The following BAZ2A variants were observed in gnomAD, a reference collection of about 807,000 sequenced individuals.
BAZ2A encodes bromodomain adjacent to zinc finger domain protein 2A.
Under a neutral mutation model 199.9 loss-of-function variants are expected in BAZ2A, and 34 were observed. The observed-to-expected ratio is 0.17, with a 90% CI of 0.13 to 0.23. BAZ2A has a LOEUF of 0.23. BAZ2A is among the 10% of genes least tolerant of loss of function. The probability of loss-of-function intolerance (pLI) is 1.00; values close to 1 mark genes in which losing one functional copy is unlikely to be tolerated. For synonymous variants in BAZ2A, 857 were observed against 883.9 expected (o/e 0.97, Z 0.54); for missense variants, 2,002 against 2,391.1 (o/e 0.84, Z 3.39).
chr12:56,604,479 A>G, intron 15 of BAZ2A, 106 bp downstream of exon 15: 1 of 1,376,822 alleles, frequency 7.3e-7, no homozygotes, highest in Non-Finnish European at 9.8e-7. Flanking sequence ...CATCTTCAGA[A>G]CATGGCAGTG....
rs1465080 is a variant in BAZ2A at position 56,616,896 on chromosome 12, T to C, written c.136+499A>G. 9.5e-3 allele frequency among the ~76,000 whole-genome samples: 1,445 copies of C among 152,232 alleles called. 23 individuals carry two copies. The highest frequency in any genetic ancestry group is 0.032 in the African/African-American group (1,324 of 41,514). ...AACACCTCCATATGGAATTATGAAC[T>C]TCTCTCTGGGGGAACTAGGTAAGCA... is the stretch of plus-strand genomic sequence containing the variant. On this transcript the variant is annotated intron_variant, in intron 2 of 28. Transcript: ENST00000549884.
In BAZ2A at chr12:56,604,259, C is replaced by A. The variant is rs776628271; in HGVS notation, c.2996G>T (p.Ser999Ile). The change falls in exon 16 of 29, where the codon AGC becomes ATC. Residue 999 changes from serine (S) to isoleucine (I), a missense_variant. This residue lies in a region of BAZ2A where 1,081 missense variants were observed against 1,274.7 expected (regional missense o/e 0.85). Transcript: ENST00000549884. ...EIDKTLESMS[S>I]YRKNKWIVEG... Reference sequence around the variant, plus strand: ...AACAATCCACTTGTTTTTCCTGTAGCTGGACATACTCTCCAGAGTCTTGTC... The same window carrying A: ...AACAATCCACTTGTTTTTCCTGTAGATGGACATACTCTCCAGAGTCTTGTC... 30 of 1,608,754 alleles carry A rather than the reference C, an allele frequency of 1.9e-5. No homozygotes were observed. Among genetic ancestry groups the A allele is most frequent in the Non-Finnish European group, 2.5e-5 (30 of 1,177,442 alleles).
At chr12:56,618,651 C>A (rs754345893) in intron 1 of BAZ2A, among the ~76,000 whole-genome samples, 1 of 152,144 alleles carries the variant, frequency 6.6e-6, no homozygotes, top group Non-Finnish European at 1.5e-5. Flanking sequence ...CGGTGGCTCA[C>A]CTGAGGTCAG....
chr12:56,630,638 A>T, upstream of BAZ2A: 1 of 433,116 alleles, frequency 2.3e-6, no homozygotes, highest in Non-Finnish European at 3.1e-6. Flanking sequence ...ACAGGCTGGT[A>T]GGGGTAAGAG....
In BAZ2A at chr12:56,601,814, A is replaced by G. The variant is rs1457279784; in HGVS notation, c.3803T>C (p.Leu1268Pro). 6.2e-7 allele frequency: 1 copy of G among 1,614,014 alleles called. No homozygotes were observed. The highest frequency in any genetic ancestry group is 1.7e-5 in the Admixed American group (1 of 60,024). ...GCTCTGAGTCTGGCTCAGCCAAGACAGGAAGGCTGACTGGCTGAGGTCATG... is the reference window on the plus strand; with the variant it reads ...GCTCTGAGTCTGGCTCAGCCAAGACGGGAAGGCTGACTGGCTGAGGTCATG... Reference protein sequence around the residue: ...SQHDLSQSAFLSWLSQTQSHS... With the variant: ...SQHDLSQSAFPSWLSQTQSHS... Residue 1268 changes from leucine to proline, a missense_variant, in exon 20 of 29, where the codon CTG (leucine) becomes CCG (proline). Around this residue, in one of 6 missense-constraint regions of BAZ2A, gnomAD observed 1,081 missense variants for 1,274.7 expected, o/e 0.85. Coordinates refer to ENST00000549884, the MANE Select transcript of BAZ2A (RefSeq NM_001300905.2).
Position 56,610,490 on chromosome 12 carries a change from C to G in BAZ2A, c.1698G>C (p.Lys566Asn), listed in dbSNP as rs1950524343. The change falls in exon 8 of 29, where the codon AAG (lysine) becomes AAC (asparagine). Residue 566 changes from lysine (K) to asparagine (N), a missense_variant. This residue lies in a region of BAZ2A where 641 missense variants were observed against 694.5 expected (regional missense o/e 0.92). Transcript: ENST00000549884. ...HGWRREVRIK[K>N]GSHRWQGETW... ...TCTCCCCCTGCCATCGGTGGCTGCCCTTCTTGATGCGCACCTCTCTCCGCC... is the reference window on the plus strand; with the variant it reads ...TCTCCCCCTGCCATCGGTGGCTGCCGTTCTTGATGCGCACCTCTCTCCGCC... The G allele has an allele frequency of 6.2e-7, 1 of 1,613,068 alleles. No homozygotes were observed. Among genetic ancestry groups the G allele is most frequent in the Non-Finnish European group, 8.5e-7 (1 of 1,179,610 alleles).
chr12:56,600,284 G>A lies in BAZ2A; in HGVS notation c.4809C>T (p.Pro1603=), dbSNP rs1157396866. The A allele has an allele frequency of 6.2e-7, 1 of 1,613,980 alleles. No individual in the cohort carries two copies. The highest frequency in any genetic ancestry group is 2.2e-5 in the East Asian group (1 of 44,860). Residue 1603 remains proline, a synonymous_variant, in exon 24 of 29, where the codon CCC becomes CCT. Coordinates refer to ENST00000549884, the MANE Select transcript of BAZ2A (RefSeq NM_001300905.2). ...GCACAACCTCATGAGTTGGCCAGAG[G>A]GGCTCCCGCAGGTACCGCCGTTCTA... ...QNVERRYLRE[P]LWPTHEVVLE...
Position 56,599,002 on chromosome 12 carries a change from C to A in BAZ2A, c.5412G>T (p.Leu1804=). The change falls in exon 28 of 29, where the codon CTG becomes CTT. Residue 1804 remains leucine (L), a synonymous_variant. Transcript: ENST00000549884. The part of the protein sequence containing the change: ...HSDLTFCEII[L]MEMESHDAAW... ...CTGCATCATGGGACTCCATCTCCATCAGGATAATCCTATCATTAGAGGGAC... is the reference window on the plus strand; with the variant it reads ...CTGCATCATGGGACTCCATCTCCATAAGGATAATCCTATCATTAGAGGGAC... 1 of 1,611,254 alleles carries A rather than the reference C, an allele frequency of 6.2e-7. No homozygotes were observed. The highest frequency in any genetic ancestry group is 8.5e-7 in the Non-Finnish European group (1 of 1,178,834).
intron 10 of BAZ2A, among the ~76,000 whole-genome samples, chr12:56,607,934 G>A (rs150222298): frequency 0.014 from 2,141 of 152,044 alleles, 60 homozygotes; most frequent in African/African-American, 0.049. Context: ...TACAAAATTA[G>A]CTGGGCGTGG....
chr12:56,609,514 G>C (rs1253926198), intron 10 of BAZ2A, among the ~76,000 whole-genome samples: 4 of 152,180 alleles, frequency 2.6e-5, no homozygotes, highest in Non-Finnish European at 5.9e-5. Flanking sequence ...GGCAGCCCAA[G>C]GTTTCACTGG....
At chr12:56,633,784 C>A (rs1362091685), upstream of BAZ2A, among the ~76,000 whole-genome samples, 1 of 152,152 alleles carries the variant, frequency 6.6e-6, no homozygotes, top group Non-Finnish European at 1.5e-5. Flanking sequence ...GTCACCCAGG[C>A]CAGAATGCAG....
At chr12:56,620,669 C>T (rs543433700) in intron 1 of BAZ2A, among the ~76,000 whole-genome samples, 9 of 151,854 alleles carry the variant, frequency 5.9e-5, no homozygotes, top group African/African-American at 2.2e-4. Context: ...AAGCGATTCT[C>T]CTGCCTCAGC....
chr12:56,617,619 C>G, intron 1 of BAZ2A, 87 bp from the exon 2 acceptor site: 1 of 1,384,760 alleles, frequency 7.2e-7, no homozygotes. Flanking sequence ...AATGACCCCT[C>G]CCCTCCACCT....
At chr12:56,601,129 C>G in intron 21 of BAZ2A, 31 bp from the exon 22 acceptor site, 10 of 1,613,836 alleles carry the variant, frequency 6.2e-6, no homozygotes, top group Non-Finnish European at 8.5e-6. Flanking sequence ...TGTGGGGCGC[C>G]AGCTGTGAAG....
chr12:56,629,805 C>T (rs1472974891), intron 1 of BAZ2A, among the ~76,000 whole-genome samples: 1 of 151,926 alleles, frequency 6.6e-6, no homozygotes, highest in Non-Finnish European at 1.5e-5. Flanking sequence ...GGGATTCCAC[C>T]CCAAGTCCCC....
At chr12:56,630,684 G>C (rs2137433443), upstream of BAZ2A, 1 of 811,584 alleles carries the variant, frequency 1.2e-6, no homozygotes, top group South Asian at 5.6e-5. Flanking sequence ...TTCCCAGGTA[G>C]GGTAATGGAA....
chr12:56,600,999 T>C lies in BAZ2A; in HGVS notation c.4394A>G (p.Lys1465Arg), dbSNP rs1886413876. The change falls in exon 22 of 29, where the codon AAA becomes AGA. Residue 1465 changes from lysine (K) to arginine (R), a missense_variant. Coordinates refer to ENST00000549884, the MANE Select transcript of BAZ2A (RefSeq NM_001300905.2). Reference protein sequence around the residue: ...PRGIREKALHKHLNKHRDFLQ... With the variant: ...PRGIREKALHRHLNKHRDFLQ... Reference sequence around the variant, plus strand: ...GAAGTCCCTGTGCTTGTTAAGGTGTTTGTGAAGTGCCTTCTCCCGGATACC... The same window carrying C: ...GAAGTCCCTGTGCTTGTTAAGGTGTCTGTGAAGTGCCTTCTCCCGGATACC... 1 of 1,612,138 alleles carries C rather than the reference T, an allele frequency of 6.2e-7. No individual in the cohort carries two copies. The highest frequency in any genetic ancestry group is 2.2e-5 in the East Asian group (1 of 44,890).
chr12:56,608,364 T>C (rs1169098223), intron 10 of BAZ2A, among the ~76,000 whole-genome samples: 1 of 149,872 alleles, frequency 6.7e-6, no homozygotes, highest in Non-Finnish European at 1.5e-5. Context: ...AGAGTAAGAC[T>C]CTGTCTCAAA....
At position 56,615,615 on chromosome 12, in the gene BAZ2A, A is replaced by G. The variant is rs1160684423; in HGVS notation, c.137-8T>C. 2.6e-6 allele frequency: 4 copies of G among 1,566,398 alleles called. No individual in the cohort carries two copies. The highest frequency in any genetic ancestry group is 3.5e-6 in the Non-Finnish European group (4 of 1,152,612). On this transcript the variant is annotated splice_polypyrimidine_tract_variant and splice_region_variant and intron_variant, in intron 2 of 28. Coordinates refer to ENST00000549884, the MANE Select transcript of BAZ2A (RefSeq NM_001300905.2). ...TCACATCCCCATTCAAACCTGGCAG[A>G]GAAAGAAAGAAAAGGTCAGTTACAG...
Sources: allele counts gnomAD v4.1 joint callset (sites outside exome capture counted in the v4.1 genomes callset), GRCh38; gene constraint gnomAD v4.1.1; regional missense constraint gnomAD v4.1.1; transcripts MANE v1.5; gene names NCBI Gene and HGNC (gene_info 2026-07-23, HGNC 2026-07-21).